Variants in ZDHHC13 observed in about 807,000 individuals in gnomAD.
ZDHHC13 encodes zDHHC palmitoyltransferase 13, also known as palmitoyltransferase ZDHHC13.
In ZDHHC13, 85 loss-of-function variants were observed where a neutral mutation model predicts 86.0. That is an observed-to-expected ratio of 0.99 (90% CI 0.83 to 1.18). The LOEUF is 1.18. Ranked by LOEUF, ZDHHC13 falls within the 50% of genes most tolerant of loss-of-function variation. ZDHHC13 has a pLI of 0.00. For synonymous variants in ZDHHC13, 263 were observed against 246.4 expected (o/e 1.07, Z -0.63); for missense variants, 711 against 730.2 (o/e 0.97, Z 0.30).
chr11:19,140,215 A>C (rs1245284706), intron 1 of ZDHHC13, among the ~76,000 whole-genome samples: 3 of 151,818 alleles, frequency 2.0e-5, no homozygotes, highest in Non-Finnish European at 4.4e-5. Flanking sequence ...CAACAAATTT[A>C]CAAGAAAAAA....
At position 19,145,536 on chromosome 11, in the gene ZDHHC13, G is replaced by C. The variant is rs184989455; in HGVS notation, c.174-645G>C. Among the ~76,000 whole-genome samples the C allele has an allele frequency of 1.4e-4, 21 of 152,302 alleles. No homozygotes were observed. In the East Asian group the frequency reaches 3.5e-3, roughly 25 times the overall value. ...CATGTGATCTTTGCCTATTGCGTCT[G>C]ACCTCATGTCTCACCATTCCCTCTC... On this transcript the variant is annotated intron_variant, in intron 2 of 16. Transcript: ENST00000446113.
intron 2 of ZDHHC13, among the ~76,000 whole-genome samples, chr11:19,143,588 T>C (rs1463098510): frequency 3.9e-5 from 6 of 152,238 alleles, no homozygotes; most frequent in Non-Finnish European, 7.3e-5. Flanking sequence ...TTGAGTACTT[T>C]CCATGTGCTT....
At chr11:19,166,278 A>C in intron 13 of ZDHHC13, 24 bp from the exon 14 acceptor site, 1 of 1,577,262 alleles carries the variant, frequency 6.3e-7, no homozygotes, top group South Asian at 1.2e-5. Context: ...AATATTAAGT[A>C]TGTTTTTTTT....
chr11:19,155,157 T>G (rs1849722206), intron 8 of ZDHHC13, among the ~76,000 whole-genome samples: 1 of 152,180 alleles, frequency 6.6e-6, no homozygotes. Flanking sequence ...TGTAGTCCCT[T>G]GAGCTTGCTT....
intron 2 of ZDHHC13, 91 bp downstream of exon 2, chr11:19,143,214 C>T: frequency 7.4e-7 from 1 of 1,344,098 alleles, no homozygotes. Flanking sequence ...ATGTTTACCT[C>T]TCTTAACTTC....
intron 2 of ZDHHC13, 65 bp downstream of exon 2, chr11:19,143,188 G>A: frequency 2.0e-6 from 3 of 1,499,004 alleles, no homozygotes; most frequent in Non-Finnish European, 2.7e-6. Flanking sequence ...TATATGTGTA[G>A]TTCATGGAGC....
At chr11:19,155,146 A>G (rs1443564149) in intron 8 of ZDHHC13, among the ~76,000 whole-genome samples, 2 of 152,144 alleles carry the variant, frequency 1.3e-5, no homozygotes. Context: ...ATTAATTTCT[A>G]TGTAGTCCCT....
intron 10 of ZDHHC13, 26 bp downstream of exon 10, chr11:19,159,066 G>A (rs777596660): frequency 1.3e-6 from 2 of 1,482,188 alleles, no homozygotes; most frequent in South Asian, 1.2e-5. Flanking sequence ...CAATTTTGAT[G>A]TGTATCTCAT....
intron 9 of ZDHHC13, among the ~76,000 whole-genome samples, chr11:19,156,463 G>A (rs769437324): frequency 6.6e-6 from 1 of 152,070 alleles, no homozygotes. Flanking sequence ...TTCAAGTCAA[G>A]CTTTACCACA....
intron 5 of ZDHHC13, 25 bp from the exon 6 acceptor site, chr11:19,150,702 T>A: frequency 6.3e-7 from 1 of 1,590,848 alleles, no homozygotes; most frequent in Non-Finnish European, 8.6e-7. Context: ...TTTACAGTTA[T>A]GCTAATTGTC....
At position 19,143,031 on chromosome 11, in the gene ZDHHC13, C is replaced by G. The variant is rs1849365364; in HGVS notation, c.81C>G (p.Ile27Met). The change falls in exon 2 of 17, where the codon ATC (isoleucine) becomes ATG (methionine). Residue 27 changes from isoleucine (I) to methionine (M), a missense_variant. Coordinates refer to ENST00000446113, the MANE Select transcript of ZDHHC13 (RefSeq NM_019028.3). ...CTCCAGGATTTGGTCGATATGGCAT[C>G]TGTGCACATGAAAACAAAGAACTTG... ...PHPPGFGRYG[I>M]CAHENKELAN... 1.2e-6 allele frequency: 2 copies of G among 1,612,612 alleles called. No individual in the cohort carries two copies. Among genetic ancestry groups the G allele is most frequent in the East Asian group, 2.2e-5 (1 of 44,874 alleles).
At position 19,127,669 on chromosome 11, in the gene ZDHHC13, A is replaced by G. The variant is rs116832320; in HGVS notation, c.27+10393A>G. Among the ~76,000 whole-genome samples, 1,048 of 152,212 alleles carry G rather than the reference A, an allele frequency of 6.9e-3. 9 individuals carry two copies. Among genetic ancestry groups the G allele is most frequent in the African/African-American group, 0.024 (988 of 41,544 alleles). On this transcript the variant is annotated intron_variant, in intron 1 of 16. Transcript: ENST00000446113. ...TCCAGCTTCGATTTTTCTGCATATG[A>G]CTAGCCAGTAATCCCAGCACCATTT... is the stretch of plus-strand genomic sequence containing the variant.
chr11:19,161,418 A>G (rs899913149), intron 10 of ZDHHC13, among the ~76,000 whole-genome samples: 2 of 151,976 alleles, frequency 1.3e-5, no homozygotes, highest in African/African-American at 4.8e-5. Flanking sequence ...CAAAATTGGC[A>G]TTCTATAAAT....
chr11:19,140,989 G>T (rs1449844044), intron 1 of ZDHHC13, among the ~76,000 whole-genome samples: 2 of 151,194 alleles, frequency 1.3e-5, no homozygotes, highest in African/African-American at 4.9e-5. Flanking sequence ...TGGGTGCAGC[G>T]CACCGGCATG....
chr11:19,148,840 C>T (rs929199078), intron 4 of ZDHHC13: 3 of 163,916 alleles, frequency 1.8e-5, no homozygotes, highest in Admixed American at 6.3e-5. Flanking sequence ...GTGGCATGCG[C>T]CTGTAGTCCC....
chr11:19,149,519 C>A (rs1849555487), intron 5 of ZDHHC13, among the ~76,000 whole-genome samples, 188 bp downstream of exon 5: 1 of 152,184 alleles, frequency 6.6e-6, no homozygotes, highest in African/African-American at 2.4e-5. Flanking sequence ...AAGGACAGGT[C>A]ATTTAGCTCA....
intron 8 of ZDHHC13, among the ~76,000 whole-genome samples, chr11:19,154,027 G>C (rs940850512): frequency 1.3e-5 from 2 of 152,120 alleles, no homozygotes; most frequent in Non-Finnish European, 2.9e-5. Context: ...TCACTTATCA[G>C]CTCACATTCC....
intron 1 of ZDHHC13, among the ~76,000 whole-genome samples, chr11:19,127,895 C>T (rs1848911968): frequency 6.6e-6 from 1 of 152,144 alleles, no homozygotes; most frequent in South Asian, 2.1e-4. Flanking sequence ...ATTCCTCCAG[C>T]TTTGTTCTTT....
rs144201254 is a variant in ZDHHC13, at chr11:19,155,488, A to G, written c.874-308A>G. On this transcript the variant is annotated intron_variant, in intron 8 of 16. Coordinates refer to ENST00000446113, the MANE Select transcript of ZDHHC13 (RefSeq NM_019028.3). Reference sequence around the variant, plus strand: ...CCCAGCTACTTGGGAGGCTGAGCCAAGAGAATCGCTTGAACCCAGGAGACA... The same window carrying G: ...CCCAGCTACTTGGGAGGCTGAGCCAGGAGAATCGCTTGAACCCAGGAGACA... Among the ~76,000 whole-genome samples, 301 of 151,398 alleles carry G rather than the reference A, an allele frequency of 2.0e-3. 2 individuals carry two copies. The highest frequency in any genetic ancestry group is 7.0e-3 in the African/African-American group (287 of 41,250).
Sources: allele counts gnomAD v4.1 joint callset (sites outside exome capture counted in the v4.1 genomes callset), GRCh38; gene constraint gnomAD v4.1.1; transcripts MANE v1.5; gene names NCBI Gene and HGNC (gene_info 2026-07-23, HGNC 2026-07-21).